Variants in SLC24A4 observed in about 807,000 individuals in gnomAD.
The protein encoded by SLC24A4 is sodium/potassium/calcium exchanger 4.
SLC24A4 carries 53 observed loss-of-function variants against 79.0 expected under a neutral mutation model. The observed-to-expected ratio is 0.67, with a 90% CI of 0.54 to 0.84. The LOEUF (loss-of-function observed/expected upper bound fraction) is 0.84, where lower values mean the gene tolerates loss of function less well. SLC24A4 is among the 40% of genes least tolerant of loss of function. The pLI is 0.00. For missense variants in SLC24A4, 731 were observed against 822.0 expected (o/e 0.89, Z 1.35); for synonymous variants, 323 against 323.8 (o/e 1.00, Z 0.03).
intron 2 of SLC24A4, among the ~76,000 whole-genome samples, chr14:92,367,812 G>A (rs2402132): frequency 0.94 from 142,688 of 152,282 alleles, 67,564 homozygotes; most frequent in East Asian, 1. Flanking sequence ...CAGAGGAGGC[G>A]ACATCACAGC....
At chr14:92,358,692 A>G (rs533292963) in intron 2 of SLC24A4, among the ~76,000 whole-genome samples, 400 of 115,996 alleles carry the variant, frequency 3.4e-3, no homozygotes, top group African/African-American at 0.012. Context: ...TCCCACATCT[A>G]CTCTTTTTTT....
At chr14:92,337,243 A>T (rs576268215) in intron 2 of SLC24A4, among the ~76,000 whole-genome samples, 1 of 152,286 alleles carries the variant, frequency 6.6e-6, no homozygotes, top group African/African-American at 2.4e-5. Flanking sequence ...TTGGCTCAGT[A>T]TTAGCTCATG....
intron 2 of SLC24A4, among the ~76,000 whole-genome samples, chr14:92,402,098 T>C (rs1890146213): frequency 6.6e-6 from 1 of 152,176 alleles, no homozygotes; most frequent in Admixed American, 6.5e-5. Flanking sequence ...ATAACATTTA[T>C]CAACTTCTAC....
intron 12 of SLC24A4, among the ~76,000 whole-genome samples, chr14:92,475,870 T>C (rs186739893): frequency 6.6e-6 from 1 of 152,288 alleles, no homozygotes; most frequent in East Asian, 1.9e-4. Flanking sequence ...TGGTTGCCCT[T>C]CACTAAATTG....
intron 2 of SLC24A4, among the ~76,000 whole-genome samples, chr14:92,342,143 C>T (rs572061082): frequency 1.3e-4 from 20 of 152,134 alleles, no homozygotes; most frequent in Admixed American, 2.6e-4. Flanking sequence ...GAGAATCACA[C>T]AATGAAGTCA....
rs1488704024 is a variant in SLC24A4 at position 92,500,586 on chromosome 14, C to A, written c.*6958C>A. 6.6e-6 allele frequency: 1 copy of A among 152,362 alleles called. No individual in the cohort carries two copies. Among genetic ancestry groups the A allele is most frequent in the Non-Finnish European group, 1.5e-5 (1 of 68,132 alleles). 9.4% of individuals were successfully genotyped at this position (152,362 alleles called of 1,614,324 possible). ...TCATCCCTGCCCTCTAAGCTGCAGA[C>A]CCCATGACCACACTGTCTGCTTCCT... is the stretch of plus-strand genomic sequence containing the variant. On this transcript the variant is annotated 3_prime_UTR_variant, in exon 17 of 17. Transcript: ENST00000532405.
intron 2 of SLC24A4, among the ~76,000 whole-genome samples, chr14:92,347,556 T>C (rs1886609169): frequency 1.3e-5 from 2 of 152,246 alleles, no homozygotes; most frequent in South Asian, 4.1e-4. Context: ...CCCATCTTAC[T>C]GTTACTTCCT....
At chr14:92,439,627 A>C (rs1322114230) in intron 4 of SLC24A4, among the ~76,000 whole-genome samples, 1 of 152,080 alleles carries the variant, frequency 6.6e-6, no homozygotes, top group Non-Finnish European at 1.5e-5. Context: ...AGAAAAAAAC[A>C]CTCCCAGTGT....
chr14:92,493,397 A>G (rs929702645), intron 16 of SLC24A4, 79 bp from the exon 17 acceptor site: 2 of 1,539,142 alleles, frequency 1.3e-6, no homozygotes, highest in Non-Finnish European at 8.9e-7. Flanking sequence ...GTTTCCCCAC[A>G]TAGGTGTCGC....
rs775436804 is a variant in SLC24A4 at position 92,439,335 on chromosome 14, G to T, written c.319G>T (p.Ala107Ser). The stretch of plus-strand genomic sequence containing the variant: ...TGCCTGTCTCCTCTCTCCTTTGCAG[G>T]CTCTGTATATGTTCTATGCCTTGGC... ...HGAVLLHILG[A>S]LYMFYALAIV... Residue 107 changes from alanine to serine, a missense_variant and splice_region_variant, in exon 4 of 17, where the codon GCT becomes TCT. Coordinates refer to ENST00000532405, the MANE Select transcript of SLC24A4 (RefSeq NM_153646.4). 7.4e-6 allele frequency: 12 copies of T among 1,612,468 alleles called. No homozygotes were observed. Among genetic ancestry groups the T allele is most frequent in the Non-Finnish European group, 7.6e-6 (9 of 1,178,676 alleles).
Position 92,497,564 on chromosome 14 carries a change from G to A in SLC24A4, c.*3936G>A, listed in dbSNP as rs12886380. On this transcript the variant is annotated 3_prime_UTR_variant, in exon 17 of 17. Transcript: ENST00000532405. The stretch of plus-strand genomic sequence containing the variant: ...TCATCCCCCCTGGGAAAGAGCAAGA[G>A]CGAATGAATCCCAGCGCCAGCGGCT... 1 of 152,374 alleles carries A rather than the reference G, an allele frequency of 6.6e-6. No individual in the cohort carries two copies. The highest frequency in any genetic ancestry group is 1.5e-5 in the Non-Finnish European group (1 of 68,152). The allele number at this position is 152,374 out of a possible 1,614,324, so 9.4% of individuals were successfully genotyped here.
intron 11 of SLC24A4, among the ~76,000 whole-genome samples, chr14:92,456,123 T>C (rs1264702296): frequency 1.3e-5 from 2 of 152,242 alleles, no homozygotes. Flanking sequence ...GAATGATGGC[T>C]GTCACCAGGG....
At chr14:92,421,194 A>C (rs1465660313) in intron 2 of SLC24A4, among the ~76,000 whole-genome samples, 1 of 152,200 alleles carries the variant, frequency 6.6e-6, no homozygotes, top group South Asian at 2.1e-4. Context: ...GAGCTCTTAA[A>C]GTTTTTCAGT....
At chr14:92,491,114 A>G (rs3993872) in intron 14 of SLC24A4, among the ~76,000 whole-genome samples, 1 of 152,008 alleles carries the variant, frequency 6.6e-6, no homozygotes, top group South Asian at 2.1e-4. Flanking sequence ...ATCTTTGTTC[A>G]TTCTCTCTCT....
rs1353544695 is a variant in SLC24A4 at position 92,500,469 on chromosome 14, ATGAC to A, written c.*6844_*6847del. 6.6e-6 allele frequency: 1 copy of A among 152,202 alleles called. No homozygotes were observed. Among genetic ancestry groups the A allele is most frequent in the Non-Finnish European group, 1.5e-5 (1 of 68,046 alleles). The allele number at this position is 152,202 out of a possible 1,614,324, so 9.4% of individuals were successfully genotyped here. A position where few individuals can be genotyped will look rare whatever the true frequency, so the allele number is the denominator to read the frequency against. On this transcript the variant is annotated 3_prime_UTR_variant, in exon 17 of 17. Coordinates refer to ENST00000532405, the MANE Select transcript of SLC24A4 (RefSeq NM_153646.4). ...GAGAGGACTTTTCCCCTCCTGAAAA[ATGAC>A]TGGAGTGTGAACAAGGCAGCTCTGT...
intron 2 of SLC24A4, among the ~76,000 whole-genome samples, chr14:92,426,898 C>G (rs574138563): frequency 6.6e-6 from 1 of 152,112 alleles, no homozygotes; most frequent in Non-Finnish European, 1.5e-5. Flanking sequence ...TGGTTTTCAT[C>G]GTTTCAGAAT....
At chr14:92,400,563 G>A (rs773409534) in intron 2 of SLC24A4, among the ~76,000 whole-genome samples, 6 of 151,894 alleles carry the variant, frequency 4.0e-5, no homozygotes, top group Non-Finnish European at 5.9e-5. Flanking sequence ...CGCCTTCTTT[G>A]GGGCATGCAG....
intron 12 of SLC24A4, among the ~76,000 whole-genome samples, chr14:92,461,211 C>T (rs28668079): frequency 0.16 from 23,736 of 152,168 alleles, 1,963 homozygotes; most frequent in Middle Eastern, 0.34. Context: ...CTCCTGCGCC[C>T]GTAACGGTAA....
At chr14:92,344,337 T>C (rs1595141568) in intron 2 of SLC24A4, among the ~76,000 whole-genome samples, 1 of 152,214 alleles carries the variant, frequency 6.6e-6, no homozygotes, top group East Asian at 1.9e-4. Flanking sequence ...GTGATGCAAA[T>C]GAGAAACAAT....
Sources: allele counts gnomAD v4.1 joint callset (sites outside exome capture counted in the v4.1 genomes callset), GRCh38; gene constraint gnomAD v4.1.1; transcripts MANE v1.5; gene names NCBI Gene and HGNC (gene_info 2026-07-23, HGNC 2026-07-21).